The following SLC26A2 variants were observed in gnomAD, a reference collection of about 807,000 sequenced individuals.
The protein encoded by SLC26A2 is sulfate transporter.
Under a neutral mutation model 41.1 loss-of-function variants are expected in SLC26A2, and 36 were observed. That is an observed-to-expected ratio of 0.88 (90% confidence interval 0.67 to 1.16). The LOEUF (loss-of-function observed/expected upper bound fraction) is 1.16. Ranked by LOEUF, SLC26A2 falls within the 50% of genes most tolerant of loss-of-function variation. The pLI, the probability that SLC26A2 is intolerant of heterozygous loss-of-function variation, is 0.00. For synonymous variants in SLC26A2, 291 were observed against 311.6 expected, an observed-to-expected ratio of 0.93 and a Z score of 0.70; for missense variants, 796 against 869.6, an observed-to-expected ratio of 0.92 and a Z score of 1.07.
chr5:149,977,952 A>G lies in SLC26A2; in HGVS notation c.300A>G (p.Pro100=). 1 of 1,614,216 alleles carries G rather than the reference A, an allele frequency of 6.2e-7. No individual in the cohort carries two copies. Among genetic ancestry groups the G allele is most frequent in the East Asian group, 2.2e-5 (1 of 44,890 alleles). The change falls in exon 2 of 3, where the codon CCA becomes CCG. Residue 100 remains proline, a synonymous_variant. Transcript: ENST00000286298. ...LGFLPVLQWL[P]KYDLKKNILG... The stretch of plus-strand genomic sequence containing the variant: ...TCCTTCCTGTTTTGCAGTGGCTCCC[A>G]AAATACGACCTAAAGAAAAACATTT...
intron 1 of SLC26A2, among the ~76,000 whole-genome samples, chr5:149,971,173 T>A (rs1382058680): frequency 6.6e-6 from 1 of 152,176 alleles, no homozygotes; most frequent in Non-Finnish European, 1.5e-5. Flanking sequence ...AACTTCTCAG[T>A]CTAGGGCAAG....
chr5:149,984,256 A>G lies in SLC26A2; in HGVS notation c.*2443A>G, dbSNP rs886060241. 2.6e-5 allele frequency: 4 copies of G among 152,250 alleles called. No homozygotes were observed. Among genetic ancestry groups the G allele is most frequent in the Non-Finnish European group, 5.9e-5 (4 of 68,044 alleles). 9.4% of individuals were successfully genotyped at this position (152,250 alleles called of 1,614,324 possible). A position where few individuals can be genotyped will look rare whatever the true frequency, so the allele number is the denominator to read the frequency against. On this transcript the variant is annotated 3_prime_UTR_variant, in exon 3 of 3. Coordinates refer to ENST00000286298, the MANE Select transcript of SLC26A2 (RefSeq NM_000112.4). ...AAGATGTCACTAGAATTTACATTTC[A>G]TCCTCTCTACTTGGGTTGAGGTTGC... is the stretch of plus-strand genomic sequence containing the variant.
At chr5:149,974,838 G>T (rs1163199560) in intron 1 of SLC26A2, among the ~76,000 whole-genome samples, 1 of 148,590 alleles carries the variant, frequency 6.7e-6, no homozygotes, top group African/African-American at 2.5e-5. Context: ...CGATTCTCCT[G>T]CCTCGGCCTC....
In SLC26A2 at chr5:149,981,887, G is replaced by A; in HGVS notation, c.*74G>A. The A allele has an allele frequency of 1.6e-6, 2 of 1,222,598 alleles. No individual in the cohort carries two copies. Among genetic ancestry groups the A allele is most frequent in the Non-Finnish European group, 2.3e-6 (2 of 852,608 alleles). 75.7% of individuals were successfully genotyped at this position (1,222,598 alleles called of 1,614,324 possible). ...GTGTCCAACATTTCCCAGTTCCACA[G>A]TGGGAAATTTTGCACACTTGAAATT... On this transcript the variant is annotated 3_prime_UTR_variant, in exon 3 of 3. Transcript: ENST00000286298.
intron 1 of SLC26A2, among the ~76,000 whole-genome samples, chr5:149,966,631 C>T (rs981899805): frequency 6.6e-6 from 1 of 151,728 alleles, no homozygotes; most frequent in African/African-American, 2.4e-5. Context: ...TTGTTTTATA[C>T]TTACTAGTTG....
chr5:149,982,515 G>A lies in SLC26A2; in HGVS notation c.*702G>A, dbSNP rs934153715. The A allele has an allele frequency of 1.4e-4, 22 of 152,162 alleles. No homozygotes were observed. Among genetic ancestry groups the A allele is most frequent in the African/African-American group, 5.3e-4 (22 of 41,442 alleles). 9.4% of individuals were successfully genotyped at this position (152,162 alleles called of 1,614,324 possible). A position where few individuals can be genotyped will look rare whatever the true frequency, so the allele number is the denominator to read the frequency against. ...ATGCCTTTTTGTTTAGGATAAATAG[G>A]TAAGCACAAAGAGCTCTTCAAAATC... On this transcript the variant is annotated 3_prime_UTR_variant, in exon 3 of 3. Coordinates refer to ENST00000286298, the MANE Select transcript of SLC26A2 (RefSeq NM_000112.4).
chr5:149,973,145 C>T (rs1581228652), intron 1 of SLC26A2, among the ~76,000 whole-genome samples: 1 of 151,418 alleles, frequency 6.6e-6, no homozygotes, highest in East Asian at 1.9e-4. Flanking sequence ...ATAGTGAGAC[C>T]TCATCTCTAT....
intron 1 of SLC26A2, among the ~76,000 whole-genome samples, chr5:149,971,443 A>T (rs1340711431): frequency 6.6e-6 from 1 of 152,124 alleles, no homozygotes; most frequent in African/African-American, 2.4e-5. Context: ...TCTGTCACCC[A>T]GGCTGGAGTG....
chr5:149,964,991 T>C (rs1041762820), intron 1 of SLC26A2, among the ~76,000 whole-genome samples: 11 of 152,208 alleles, frequency 7.2e-5, no homozygotes, highest in African/African-American at 2.7e-4. Flanking sequence ...ACAAAACCCA[T>C]ATAAGTATGG....
chr5:149,977,934 T>C lies in SLC26A2; in HGVS notation c.282T>C (p.Pro94=). ...AAAATATGATTTTAGGTTTCCTTCC[T>C]GTTTTGCAGTGGCTCCCAAAATACG... is the stretch of plus-strand genomic sequence containing the variant. The part of the protein sequence containing the change: ...KAKNMILGFL[P]VLQWLPKYDL... The change falls in exon 2 of 3, where the codon CCT becomes CCC. Residue 94 remains proline, a synonymous_variant. Transcript: ENST00000286298. The C allele has an allele frequency of 6.2e-7, 1 of 1,614,220 alleles. No homozygotes were observed. Among genetic ancestry groups the C allele is most frequent in the Non-Finnish European group, 8.5e-7 (1 of 1,180,024 alleles).
At chr5:149,976,858 G>A (rs1051816808) in intron 1 of SLC26A2, among the ~76,000 whole-genome samples, 1 of 152,152 alleles carries the variant, frequency 6.6e-6, no homozygotes, top group African/African-American at 2.4e-5. Flanking sequence ...CATGAATGTA[G>A]GCCCTGCCCA....
rs183754150 is a variant in SLC26A2 at position 149,977,119 on chromosome 5, C to A, written c.-25-509C>A. ...AACCTACTTTTCTATTTATTTTCAA[C>A]ATTTAGCAGGTTGTTTAAAAAGGGA... On this transcript the variant is annotated intron_variant, in intron 1 of 2. Transcript: ENST00000286298. Among the ~76,000 whole-genome samples, 5 of 152,320 alleles carry A rather than the reference C, an allele frequency of 3.3e-5. No individual in the cohort carries two copies. In the East Asian group the frequency reaches 9.6e-4, roughly 29 times the overall value.
intron 1 of SLC26A2, among the ~76,000 whole-genome samples, chr5:149,965,685 G>C (rs1007443271): frequency 6.6e-6 from 1 of 151,902 alleles, no homozygotes; most frequent in African/African-American, 2.4e-5. Context: ...ATTAATGCTG[G>C]GTTAATGTTA....
At position 149,981,551 on chromosome 5, in the gene SLC26A2, G is replaced by T; in HGVS notation, c.1958G>T (p.Cys653Phe). 6.2e-7 allele frequency: 1 copy of T among 1,614,086 alleles called. No individual in the cohort carries two copies. The highest frequency in any genetic ancestry group is 8.5e-7 in the Non-Finnish European group (1 of 1,179,990). The part of the protein sequence containing the change: ...PLELHTIVID[C>F]SAIQFLDTAG... ...GAGCTGCATACTATAGTGATTGACT[G>T]CAGTGCAATTCAATTTTTAGATACA... The change falls in exon 3 of 3, where the codon TGC (cysteine) becomes TTC (phenylalanine). Residue 653 changes from cysteine to phenylalanine, a missense_variant. By Grantham distance (205) the Cys-to-Phe change is radical. Transcript: ENST00000286298.
chr5:149,981,490 G>C lies in SLC26A2; in HGVS notation c.1897G>C (p.Asp633His), dbSNP rs373634748. ...EKVVTLGGIQDEMSVQLSHDP... is the reference protein window; with the variant it reads ...EKVVTLGGIQHEMSVQLSHDP... ...AGTAGTGACTCTTGGTGGAATCCAG[G>C]ATGAAATGTCAGTGCAACTTTCCCA... The change falls in exon 3 of 3, where the codon GAT becomes CAT. Residue 633 changes from aspartate (D) to histidine (H), a missense_variant. Asp to His is a moderately conservative substitution (Grantham distance 81). Transcript: ENST00000286298. The C allele has an allele frequency of 6.2e-7, 1 of 1,614,024 alleles. No homozygotes were observed. The highest frequency in any genetic ancestry group is 8.5e-7 in the Non-Finnish European group (1 of 1,179,998).
At position 149,982,092 on chromosome 5, in the gene SLC26A2, G is replaced by C. The variant is rs960493031; in HGVS notation, c.*279G>C. 8 of 352,632 alleles carry C rather than the reference G, an allele frequency of 2.3e-5. No individual in the cohort carries two copies. Among genetic ancestry groups the C allele is most frequent in the African/African-American group, 1.5e-4 (7 of 47,926 alleles). 21.8% of individuals were successfully genotyped at this position (352,632 alleles called of 1,614,324 possible). A position where few individuals can be genotyped will look rare whatever the true frequency, so the allele number is the denominator to read the frequency against. On this transcript the variant is annotated 3_prime_UTR_variant, in exon 3 of 3. Transcript: ENST00000286298. Reference sequence around the variant, plus strand: ...ATGTATTGAACTGTACTGTAAAGTAGCTCCAAAACTTAATTACTCTCCTGT... The same window carrying C: ...ATGTATTGAACTGTACTGTAAAGTACCTCCAAAACTTAATTACTCTCCTGT...
chr5:149,963,621 G>C (rs200137170), intron 1 of SLC26A2, among the ~76,000 whole-genome samples: 1 of 151,850 alleles, frequency 6.6e-6, no homozygotes, highest in African/African-American at 2.4e-5. Context: ...CACCATGTTG[G>C]CCAGGCTGGT....
chr5:149,980,279 A>G lies in SLC26A2; in HGVS notation c.700-14A>G, dbSNP rs767940679. On this transcript the variant is annotated splice_polypyrimidine_tract_variant and intron_variant, in intron 2 of 2. Coordinates refer to ENST00000286298, the MANE Select transcript of SLC26A2 (RefSeq NM_000112.4). ...TTCCATTTATATTTAACACTTCTAT[A>G]TCCTTCCTTCCAGGTAGCGATGGGC... is the stretch of plus-strand genomic sequence containing the variant. 1.2e-6 allele frequency: 2 copies of G among 1,606,814 alleles called. No homozygotes were observed. The highest frequency in any genetic ancestry group is 4.5e-5 in the East Asian group (2 of 44,846).
Position 149,978,185 on chromosome 5 carries a change from G to T in SLC26A2, c.533G>T (p.Arg178Leu). The change falls in exon 2 of 3, where the codon CGA becomes CTA. Residue 178 changes from arginine (R) to leucine (L), a missense_variant. By Grantham distance (102) the Arg-to-Leu change is moderately radical (BLOSUM62 -2). Transcript: ENST00000286298. The stretch of plus-strand genomic sequence containing the variant: ...CTTATGATTGGTGAGACAGTTGACC[G>T]AGAACTACAGAAAGCTGGCTATGAC... ...LCLMIGETVD[R>L]ELQKAGYDNA... 1 of 1,612,992 alleles carries T rather than the reference G, an allele frequency of 6.2e-7. No individual in the cohort carries two copies. The highest frequency in any genetic ancestry group is 8.5e-7 in the Non-Finnish European group (1 of 1,179,018).
Sources: allele counts gnomAD v4.1 joint callset (sites outside exome capture counted in the v4.1 genomes callset), GRCh38; gene constraint gnomAD v4.1.1; transcripts MANE v1.5; gene names NCBI Gene and HGNC (gene_info 2026-07-23, HGNC 2026-07-21).